Variants in SCD5 observed in about 807,000 individuals in gnomAD.
SCD5 encodes the protein acyl-CoA-desaturase 4.
A neutral mutation model predicts 30.4 loss-of-function variants in SCD5; 20 were observed. The observed-to-expected ratio is 0.66, with a 90% confidence interval of 0.46 to 0.96. The LOEUF (loss-of-function observed/expected upper bound fraction) is 0.96. Among genes scored for constraint, SCD5 ranks in the 40% least tolerant of loss-of-function variants. The pLI, the probability that SCD5 is intolerant of heterozygous loss-of-function variation, is 0.00. For missense variants in SCD5, 381 were observed against 443.3 expected, an observed-to-expected ratio of 0.86 and a Z score of 1.26; for synonymous variants, 173 against 176.4, an observed-to-expected ratio of 0.98 and a Z score of 0.16.
chr4:82,668,700 G>GCC (rs1351652402), intron 3 of SCD5, among the ~76,000 whole-genome samples: 1 of 152,166 alleles, frequency 6.6e-6, no homozygotes, highest in Non-Finnish European at 1.5e-5. Flanking sequence ...TTACCTTAGG[G>GCC]CCAAGTTTGG....
chr4:82,687,028 G>A (rs1728723346), intron 2 of SCD5, among the ~76,000 whole-genome samples: 1 of 152,018 alleles, frequency 6.6e-6, no homozygotes, highest in African/African-American at 2.4e-5. Flanking sequence ...AAAATTAGCT[G>A]GGCATGGTGG....
chr4:82,696,913 G>A (rs1719708451), intron 2 of SCD5, among the ~76,000 whole-genome samples: 1 of 152,158 alleles, frequency 6.6e-6, no homozygotes, highest in Admixed American at 6.5e-5. Flanking sequence ...GATGGTTTGG[G>A]AAAATAAACA....
At chr4:82,743,714 G>T (rs1343441881) in intron 1 of SCD5, among the ~76,000 whole-genome samples, 1 of 151,490 alleles carries the variant, frequency 6.6e-6, no homozygotes, top group Non-Finnish European at 1.5e-5. Context: ...TAGAGACAGG[G>T]TCTCACTATG....
At chr4:82,686,509 T>C (rs181281927) in intron 2 of SCD5, among the ~76,000 whole-genome samples, 66 of 152,324 alleles carry the variant, frequency 4.3e-4, no homozygotes, top group Admixed American at 5.9e-4. Flanking sequence ...AAGGAAATCA[T>C]GGTTGTGTTC....
At position 82,631,899 on chromosome 4, in the gene SCD5, G is replaced by C. The variant is rs527412967; in HGVS notation, c.803-382C>G. Among the ~76,000 whole-genome samples, 3 of 152,192 alleles carry C rather than the reference G, an allele frequency of 2.0e-5. No homozygotes were observed. The South Asian group carries it at 6.2e-4, about 32-fold the overall frequency. On this transcript the variant is annotated intron_variant, in intron 4 of 4. Coordinates refer to ENST00000319540, the MANE Select transcript of SCD5 (RefSeq NM_001037582.3). ...AAAATCCTTTTTTGGAAGAGCTCAA[G>C]AGAGACAAATGAGAATCATTCAAAT...
intron 2 of SCD5, among the ~76,000 whole-genome samples, chr4:82,690,572 A>G (rs1728810895): frequency 6.6e-6 from 1 of 152,126 alleles, no homozygotes; most frequent in Admixed American, 6.5e-5. Flanking sequence ...ACTGCCTCCC[A>G]CTTATAGTAA....
chr4:82,664,843 A>C (rs1728132348), intron 3 of SCD5, among the ~76,000 whole-genome samples: 1 of 151,722 alleles, frequency 6.6e-6, no homozygotes, highest in Non-Finnish European at 1.5e-5. Flanking sequence ...GTCCCAGAAG[A>C]AGCCATGCAT....
intron 1 of SCD5, among the ~76,000 whole-genome samples, chr4:82,759,900 A>G (rs1721320281): frequency 6.6e-6 from 1 of 152,130 alleles, no homozygotes; most frequent in East Asian, 1.9e-4. Context: ...TTCCTTTCCT[A>G]TTGATCCAAT....
intron 1 of SCD5, among the ~76,000 whole-genome samples, chr4:82,777,919 C>G (rs1721788250): frequency 6.9e-6 from 1 of 144,138 alleles, no homozygotes; most frequent in Non-Finnish European, 1.5e-5. Context: ...TTTCCCCCCT[C>G]AAAACCCTAG....
intron 3 of SCD5, among the ~76,000 whole-genome samples, chr4:82,650,677 CAG>C (rs1491086798): frequency 3.7e-5 from 2 of 54,348 alleles, no homozygotes; most frequent in Non-Finnish European, 1.1e-4. Flanking sequence ...GCCTGGGTGA[CAG>C]AGTGAGAACT....
chr4:82,702,344 C>T (rs1022143494), intron 2 of SCD5, among the ~76,000 whole-genome samples: 1 of 151,696 alleles, frequency 6.6e-6, no homozygotes, highest in African/African-American at 2.4e-5. Context: ...GGGGTTTTGC[C>T]ATGTTGGCCA....
intron 2 of SCD5, among the ~76,000 whole-genome samples, chr4:82,690,084 T>C (rs914505265): frequency 1.3e-5 from 2 of 152,220 alleles, no homozygotes; most frequent in African/African-American, 4.8e-5. Context: ...TAATCCTCAA[T>C]TGGACCCTGA....
chr4:82,662,950 C>A (rs1247392602), intron 3 of SCD5, among the ~76,000 whole-genome samples: 1 of 151,092 alleles, frequency 6.6e-6, no homozygotes, highest in African/African-American at 2.4e-5. Context: ...TATTAAGCAA[C>A]CATTAAACTA....
chr4:82,698,210 A>T, intron 2 of SCD5: 4 of 439,888 alleles, frequency 9.1e-6, no homozygotes, highest in South Asian at 6.5e-5. Flanking sequence ...AAAGGTGGCA[A>T]CACTGAAACA....
At position 82,660,215 on chromosome 4, in the gene SCD5, T is replaced by A. The variant is rs1727959595; in HGVS notation, c.569+20492A>T. ...CAAGGAGACTTAGACTCCCATATAA[T>A]AATAGTGGGAGACTTTAATACCCCA... On this transcript the variant is annotated intron_variant, in intron 3 of 4. Transcript: ENST00000319540. 2.0e-5 allele frequency: 3 copies of A among 153,450 alleles called. No individual in the cohort carries two copies. The South Asian group carries it at 6.2e-4, about 32-fold the overall frequency. The allele number at this position is 153,450 out of a possible 1,614,324, so 9.5% of individuals were successfully genotyped here.
intron 2 of SCD5, among the ~76,000 whole-genome samples, chr4:82,681,850 G>C (rs1346837604): frequency 6.6e-6 from 1 of 152,168 alleles, no homozygotes; most frequent in Non-Finnish European, 1.5e-5. Context: ...GTCCTGAGTA[G>C]GAATGGTGCC....
intron 1 of SCD5, among the ~76,000 whole-genome samples, chr4:82,790,699 C>A (rs531832550): frequency 1.4e-4 from 21 of 152,202 alleles, no homozygotes; most frequent in African/African-American, 4.8e-4. Context: ...ATGGTGCCAG[C>A]GCTTGGCAGG....
At chr4:82,741,449 G>A (rs1001899932) in intron 1 of SCD5, among the ~76,000 whole-genome samples, 34 of 152,182 alleles carry the variant, frequency 2.2e-4, no homozygotes, top group African/African-American at 6.5e-4. Flanking sequence ...AAACCAAGGC[G>A]CCCAACCAAC....
chr4:82,662,353 A>T (rs1181523348), intron 3 of SCD5, among the ~76,000 whole-genome samples: 1 of 152,146 alleles, frequency 6.6e-6, no homozygotes, highest in East Asian at 1.9e-4. Flanking sequence ...ACGCCCAGCT[A>T]TCTGTTTTAA....
Sources: gnomAD v4.1 joint callset for allele counts (sites outside exome capture counted in the v4.1 genomes callset) on GRCh38, gnomAD v4.1.1 for gene constraint, MANE v1.5 for transcripts, NCBI Gene and HGNC (gene_info 2026-07-23, HGNC 2026-07-21) for gene names.